FBXO48: variants seen among roughly 807,000 people sequenced by gnomAD.
FBXO48 encodes F-box only protein 48.
A neutral mutation model predicts 14.3 loss-of-function variants in FBXO48; 12 were observed. The ratio of observed to expected loss-of-function variants is 0.84; its 90% CI spans 0.54 to 1.36. The LOEUF is 1.36. Among genes scored for constraint, FBXO48 ranks in the 40% most tolerant of loss-of-function variants. The pLI is 0.00. For missense variants in FBXO48, 177 were observed against 179.1 expected (o/e 0.99, Z 0.07); for synonymous variants, 53 against 61.7 (o/e 0.86, Z 0.66).
In FBXO48 at chr2:68,461,318, C is replaced by T. The variant is rs1464066806; in HGVS notation, c.*2891G>A. On this transcript the variant is annotated 3_prime_UTR_variant, in exon 4 of 4. Coordinates refer to ENST00000377957, the MANE Select transcript of FBXO48 (RefSeq NM_001024680.3). ...TTTTTTTTTTTTTTTGAGACGGAGT[C>T]TCGCTCTGTCGCCCAGGCCGGACTG... 5 of 121,630 alleles carry T rather than the reference C, an allele frequency of 4.1e-5. No homozygotes were observed. Among genetic ancestry groups the T allele is most frequent in the Non-Finnish European group, 7.9e-5 (5 of 63,314 alleles). The allele number at this position is 121,630 out of a possible 1,614,324, so 7.5% of individuals were successfully genotyped here.
chr2:68,464,969 T>C lies in FBXO48; in HGVS notation c.177A>G (p.Ser59=), dbSNP rs1490065026. ...TGTCATTCCAGCTCCTGCATGTCAA[T>C]GAAGCCCTGCACAGACTCCGAATGT... is the stretch of plus-strand genomic sequence containing the variant. ...QLDIRSLCRA[S]LTCRSWNDTI... The change falls in exon 3 of 4, where the codon TCA becomes TCG. Residue 59 remains serine (S), a synonymous_variant. Transcript: ENST00000377957. 5 of 1,613,840 alleles carry C rather than the reference T, an allele frequency of 3.1e-6. 1 individual carries two copies. The South Asian group carries it at 5.5e-5, about 18-fold the overall frequency.
intron 2 of FBXO48, among the ~76,000 whole-genome samples, chr2:68,465,921 A>T (rs1675397542): frequency 6.6e-6 from 1 of 152,226 alleles, no homozygotes; most frequent in Non-Finnish European, 1.5e-5. Flanking sequence ...TGAGATCTGG[A>T]TTATGAAACA....
In FBXO48 at chr2:68,460,722, C is replaced by G. The variant is rs915938749; in HGVS notation, c.*3487G>C. 7 of 151,888 alleles carry G rather than the reference C, an allele frequency of 4.6e-5. No individual in the cohort carries two copies. Among genetic ancestry groups the G allele is most frequent in the Non-Finnish European group, 7.4e-5 (5 of 67,998 alleles). The allele number at this position is 151,888 out of a possible 1,614,324, so 9.4% of individuals were successfully genotyped here. Reference sequence around the variant, plus strand: ...CACCAAGGATGTTAGAGTATAGAGACGAGATGACAACAGGTGGAACTTTGG... The same window carrying G: ...CACCAAGGATGTTAGAGTATAGAGAGGAGATGACAACAGGTGGAACTTTGG... On this transcript the variant is annotated 3_prime_UTR_variant, in exon 4 of 4. Transcript: ENST00000377957.
Position 68,465,505 on chromosome 2 carries a change from C to A in FBXO48, c.-33-327G>T, listed in dbSNP as rs75931674. Among the ~76,000 whole-genome samples, 599 of 147,114 alleles carry A rather than the reference C, an allele frequency of 4.1e-3. 2 individuals are homozygous for A. Among genetic ancestry groups the A allele is most frequent in the African/African-American group, 0.014 (570 of 39,600 alleles). The stretch of plus-strand genomic sequence containing the variant: ...GCCTCAAGCGATTCTCTTGACTCAG[C>A]GTACCCCGCCCCTCTTTAAAAAAAA... On this transcript the variant is annotated intron_variant, in intron 2 of 3. Coordinates refer to ENST00000377957, the MANE Select transcript of FBXO48 (RefSeq NM_001024680.3).
rs1322754299 is a variant in FBXO48 at position 68,461,807 on chromosome 2, C to T, written c.*2402G>A. Reference sequence around the variant, plus strand: ...GTGGCTCATGCCTATAATCCCAGCACTTTAGGAGGCTGAGGCAGGTAGATC... The same window carrying T: ...GTGGCTCATGCCTATAATCCCAGCATTTTAGGAGGCTGAGGCAGGTAGATC... On this transcript the variant is annotated 3_prime_UTR_variant, in exon 4 of 4. Coordinates refer to ENST00000377957, the MANE Select transcript of FBXO48 (RefSeq NM_001024680.3). The T allele has an allele frequency of 6.6e-6, 1 of 150,576 alleles. No homozygotes were observed. Among genetic ancestry groups the T allele is most frequent in the African/African-American group, 2.4e-5 (1 of 40,964 alleles). 9.3% of individuals were successfully genotyped at this position (150,576 alleles called of 1,614,324 possible).
chr2:68,463,956 T>G lies in FBXO48; in HGVS notation c.*253A>C. On this transcript the variant is annotated 3_prime_UTR_variant, in exon 4 of 4. Transcript: ENST00000377957. ...ACACAAATACATGAAACATTGTATT[T>G]GGAAATCACTCTATCAGTATATTAT... 3.1e-6 allele frequency: 1 copy of G among 325,116 alleles called. No individual in the cohort carries two copies. Among genetic ancestry groups the G allele is most frequent in the South Asian group, 4.9e-5 (1 of 20,298 alleles). 20.1% of individuals were successfully genotyped at this position (325,116 alleles called of 1,614,324 possible).
chr2:68,460,386 G>A lies in FBXO48; in HGVS notation c.*3823C>T, dbSNP rs1675230827. 1 of 152,122 alleles carries A rather than the reference G, an allele frequency of 6.6e-6. No homozygotes were observed. Among genetic ancestry groups the A allele is most frequent in the Admixed American group, 6.6e-5 (1 of 15,258 alleles). 9.4% of individuals were successfully genotyped at this position (152,122 alleles called of 1,614,324 possible). The stretch of plus-strand genomic sequence containing the variant: ...GTAAGAATTGACTCGGCTGGACTTG[G>A]AGAATGATGGAGAAAAGTAAAATAT... On this transcript the variant is annotated 3_prime_UTR_variant, in exon 4 of 4. Transcript: ENST00000377957.
In FBXO48 at chr2:68,461,164, T is replaced by A. The variant is rs1266600723; in HGVS notation, c.*3045A>T. On this transcript the variant is annotated 3_prime_UTR_variant, in exon 4 of 4. Transcript: ENST00000377957. ...GATGGTGAAACTCAATTTGAATTAA[T>A]TTAGGTAAGCAGATAAGGAATGGCT... 2 of 152,178 alleles carry A rather than the reference T, an allele frequency of 1.3e-5. No individual in the cohort carries two copies. Among genetic ancestry groups the A allele is most frequent in the Non-Finnish European group, 2.9e-5 (2 of 68,030 alleles). The allele number at this position is 152,178 out of a possible 1,614,324, so 9.4% of individuals were successfully genotyped here. A position where few individuals can be genotyped will look rare whatever the true frequency, so the allele number is the denominator to read the frequency against.
Position 68,465,058 on chromosome 2 carries a change from T to C in FBXO48, c.88A>G (p.Ser30Gly). 1 of 1,613,930 alleles carries C rather than the reference T, an allele frequency of 6.2e-7. No homozygotes were observed. Among genetic ancestry groups the C allele is most frequent in the Non-Finnish European group, 8.5e-7 (1 of 1,179,962 alleles). ...AGCAGTTCAAAAAAGTTGTTTTGAC[T>C]CTCATTTTTTTCCTTCTCAGCATCC... ...SVDAEKEKNE[S>G]QNNFFELLPA... Residue 30 changes from serine (S) to glycine (G), a missense_variant, in exon 3 of 4, where the codon AGT becomes GGT. Ser to Gly is a moderately conservative substitution (Grantham distance 56, BLOSUM62 0). Coordinates refer to ENST00000377957, the MANE Select transcript of FBXO48 (RefSeq NM_001024680.3).
rs1675238316 is a variant in FBXO48 at position 68,460,678 on chromosome 2, T to C, written c.*3531A>G. ...TTAGCACCAACAATGGTAGCTGACATAGGAGTTGTAGATGGGATCACCAAG... is the reference window on the plus strand; with the variant it reads ...TTAGCACCAACAATGGTAGCTGACACAGGAGTTGTAGATGGGATCACCAAG... On this transcript the variant is annotated 3_prime_UTR_variant, in exon 4 of 4. Coordinates refer to ENST00000377957, the MANE Select transcript of FBXO48 (RefSeq NM_001024680.3). The C allele has an allele frequency of 6.6e-6, 1 of 151,958 alleles. No homozygotes were observed. The highest frequency in any genetic ancestry group is 2.4e-5 in the African/African-American group (1 of 41,348). The allele number at this position is 151,958 out of a possible 1,614,324, so 9.4% of individuals were successfully genotyped here. A position where few individuals can be genotyped will look rare whatever the true frequency, so the allele number is the denominator to read the frequency against.
chr2:68,464,622 G>C (rs1480021041), intron 3 of FBXO48, among the ~76,000 whole-genome samples: 1 of 152,118 alleles, frequency 6.6e-6, no homozygotes, highest in Non-Finnish European at 1.5e-5. Flanking sequence ...CCCGAATTTA[G>C]AATTTTAAAA....
In FBXO48 at chr2:68,464,354, T is replaced by C. The variant is rs1386359487; in HGVS notation, c.323A>G (p.Asn108Ser). Reference protein sequence around the residue: ...GYSWRVILLRNYQKSKVKHEW... With the variant: ...GYSWRVILLRSYQKSKVKHEW... Reference sequence around the variant, plus strand: ...GTGTTTCACTTTACTCTTCTGGTAATTCCTCAGCAGTATCACCTGAAAGAG... The same window carrying C: ...GTGTTTCACTTTACTCTTCTGGTAACTCCTCAGCAGTATCACCTGAAAGAG... The change falls in exon 4 of 4, where the codon AAT becomes AGT. Residue 108 changes from asparagine (N) to serine (S), a missense_variant. Asn to Ser is a conservative substitution (Grantham distance 46). Transcript: ENST00000377957. The C allele has an allele frequency of 6.2e-7, 1 of 1,613,706 alleles. No individual in the cohort carries two copies. The highest frequency in any genetic ancestry group is 2.2e-5 in the East Asian group (1 of 44,852).
Position 68,463,278 on chromosome 2 carries a change from T to C in FBXO48, c.*931A>G, listed in dbSNP as rs186955425. 2 of 152,146 alleles carry C rather than the reference T, an allele frequency of 1.3e-5. No homozygotes were observed. Among genetic ancestry groups the C allele is most frequent in the African/African-American group, 4.8e-5 (2 of 41,424 alleles). 9.4% of individuals were successfully genotyped at this position (152,146 alleles called of 1,614,324 possible). A position where few individuals can be genotyped will look rare whatever the true frequency, so the allele number is the denominator to read the frequency against. On this transcript the variant is annotated 3_prime_UTR_variant, in exon 4 of 4. Transcript: ENST00000377957. ...CAGATTCAGAATAAACAATTTGTTA[T>C]AGTGAGTAGCATATAATCTGTTTTT...
rs896997276 is a variant in FBXO48 at position 68,466,433 on chromosome 2, G to C, written c.-323C>G. 3.3e-5 allele frequency: 5 copies of C among 152,114 alleles called. No homozygotes were observed. Among genetic ancestry groups the C allele is most frequent in the African/African-American group, 1.2e-4 (5 of 41,396 alleles). The allele number at this position is 152,114 out of a possible 1,614,324, so 9.4% of individuals were successfully genotyped here. A position where few individuals can be genotyped will look rare whatever the true frequency, so the allele number is the denominator to read the frequency against. On this transcript the variant is annotated 5_prime_UTR_variant, in exon 2 of 4. Transcript: ENST00000377957. Reference sequence around the variant, plus strand: ...CCCATTCATGATCCAGATTAGCTGTGGTGGCTGGAACTGCAGTCTGTGTTC... The same window carrying C: ...CCCATTCATGATCCAGATTAGCTGTCGTGGCTGGAACTGCAGTCTGTGTTC...
At position 68,464,117 on chromosome 2, in the gene FBXO48, A is replaced by G. The variant is rs1675333403; in HGVS notation, c.*92T>C. 1 of 1,104,126 alleles carries G rather than the reference A, an allele frequency of 9.1e-7. No individual in the cohort carries two copies. The highest frequency in any genetic ancestry group is 1.3e-6 in the Non-Finnish European group (1 of 773,480). 68.4% of individuals were successfully genotyped at this position (1,104,126 alleles called of 1,614,324 possible). On this transcript the variant is annotated 3_prime_UTR_variant, in exon 4 of 4. Transcript: ENST00000377957. Reference sequence around the variant, plus strand: ...ATTTTCTTTTAAAAAGGTGAACAACAAAATGAACGAATAAAGATATCGCTT... The same window carrying G: ...ATTTTCTTTTAAAAAGGTGAACAACGAAATGAACGAATAAAGATATCGCTT...
At position 68,460,867 on chromosome 2, in the gene FBXO48, A is replaced by G. The variant is rs1361360133; in HGVS notation, c.*3342T>C. 2 of 152,106 alleles carry G rather than the reference A, an allele frequency of 1.3e-5. No homozygotes were observed. The highest frequency in any genetic ancestry group is 4.8e-5 in the African/African-American group (2 of 41,412). 9.4% of individuals were successfully genotyped at this position (152,106 alleles called of 1,614,324 possible). On this transcript the variant is annotated 3_prime_UTR_variant, in exon 4 of 4. Transcript: ENST00000377957. ...ACTATAGTTCCAACCCATGGAGGAGAGAGTTTTAAGAAGTACTTATGTGTG... is the reference window on the plus strand; with the variant it reads ...ACTATAGTTCCAACCCATGGAGGAGGGAGTTTTAAGAAGTACTTATGTGTG...
At position 68,459,807 on chromosome 2, in the gene FBXO48, A is replaced by G. The variant is rs1404023509; in HGVS notation, c.*4402T>C. Reference sequence around the variant, plus strand: ...AATAAAATAGACAATTTAATGTCATATGACAGTTTTGAGAGAGGTCTATAC... The same window carrying G: ...AATAAAATAGACAATTTAATGTCATGTGACAGTTTTGAGAGAGGTCTATAC... On this transcript the variant is annotated 3_prime_UTR_variant, in exon 4 of 4. Transcript: ENST00000377957. 1.3e-5 allele frequency: 2 copies of G among 152,214 alleles called. No individual in the cohort carries two copies. The highest frequency in any genetic ancestry group is 4.8e-5 in the African/African-American group (2 of 41,452). The allele number at this position is 152,214 out of a possible 1,614,324, so 9.4% of individuals were successfully genotyped here. A position where few individuals can be genotyped will look rare whatever the true frequency, so the allele number is the denominator to read the frequency against.
At position 68,464,209 on chromosome 2, in the gene FBXO48, T is replaced by C; in HGVS notation, c.468A>G (p.Ter156=). ...CTGAGATTTGTGATTTTTTTTCCCC[T>C]TATCTTTCCAGTTCTGCTTCTAGAA... ...GEILEAELER[*] The change falls in exon 4 of 4, where the codon TAA becomes TAG. Residue 156 remains the stop codon, a stop_retained_variant. Transcript: ENST00000377957. 6.2e-7 allele frequency: 1 copy of C among 1,613,026 alleles called. No homozygotes were observed. Among genetic ancestry groups the C allele is most frequent in the Non-Finnish European group, 8.5e-7 (1 of 1,179,412 alleles).
Position 68,460,676 on chromosome 2 carries a change from C to T in FBXO48, c.*3533G>A, listed in dbSNP as rs922490614. The T allele has an allele frequency of 1.3e-5, 2 of 151,930 alleles. No homozygotes were observed. Among genetic ancestry groups the T allele is most frequent in the African/African-American group, 4.8e-5 (2 of 41,346 alleles). The allele number at this position is 151,930 out of a possible 1,614,324, so 9.4% of individuals were successfully genotyped here. On this transcript the variant is annotated 3_prime_UTR_variant, in exon 4 of 4. Coordinates refer to ENST00000377957, the MANE Select transcript of FBXO48 (RefSeq NM_001024680.3). Reference sequence around the variant, plus strand: ...CATTAGCACCAACAATGGTAGCTGACATAGGAGTTGTAGATGGGATCACCA... The same window carrying T: ...CATTAGCACCAACAATGGTAGCTGATATAGGAGTTGTAGATGGGATCACCA...
Sources: gnomAD v4.1 joint callset for allele counts (sites outside exome capture counted in the v4.1 genomes callset) on GRCh38, gnomAD v4.1.1 for gene constraint, MANE v1.5 for transcripts, NCBI Gene and HGNC (gene_info 2026-07-23, HGNC 2026-07-21) for gene names.